Variants in ATP6V1H observed in about 807,000 individuals in gnomAD.
The protein encoded by ATP6V1H is ATPase H+ transporting V1 subunit H, also known as V-type proton ATPase subunit H.
In ATP6V1H, 39 loss-of-function variants were observed where a neutral mutation model predicts 71.7. The ratio of observed to expected loss-of-function variants is 0.54; its 90% CI spans 0.42 to 0.71. The LOEUF (loss-of-function observed/expected upper bound fraction) is 0.71. Ranked by LOEUF, ATP6V1H falls within the 30% of genes least tolerant of loss-of-function variation. The pLI is 0.00. For synonymous variants in ATP6V1H, 192 were observed against 199.3 expected, an observed-to-expected ratio of 0.96 and a Z score of 0.31; for missense variants, 509 against 594.9, an observed-to-expected ratio of 0.86 and a Z score of 1.50.
chr8:53,720,472 A>G (rs1464799677), intron 13 of ATP6V1H, among the ~76,000 whole-genome samples: 1 of 152,232 alleles, frequency 6.6e-6, no homozygotes, highest in Non-Finnish European at 1.5e-5. Flanking sequence ...TCTAGCTTCT[A>G]TTCTGCTAGG....
intron 12 of ATP6V1H, among the ~76,000 whole-genome samples, chr8:53,750,817 CAA>C (rs985954881): frequency 5.3e-5 from 8 of 151,670 alleles, no homozygotes; most frequent in African/African-American, 1.5e-4. Flanking sequence ...CCCATGATAA[CAA>C]AAAGAGTGTA....
intron 11 of ATP6V1H, among the ~76,000 whole-genome samples, chr8:53,762,930 T>C (rs1808326482): frequency 6.6e-6 from 1 of 152,214 alleles, no homozygotes; most frequent in African/African-American, 2.4e-5. Context: ...TGAAGACCTT[T>C]ACAATGATCC....
chr8:53,775,991 C>T (rs551307197), intron 9 of ATP6V1H, among the ~76,000 whole-genome samples: 4 of 152,208 alleles, frequency 2.6e-5, no homozygotes, highest in Admixed American at 6.5e-5. Context: ...CAGGAACCCA[C>T]GGAGGCGGGG....
At chr8:53,832,042 C>T (rs959882113) in intron 3 of ATP6V1H, 3 of 152,084 alleles carry the variant, frequency 2.0e-5, no homozygotes, top group Middle Eastern at 3.4e-3. Flanking sequence ...AATTACACAA[C>T]GGAACTTTCC....
chr8:53,828,111 T>G (rs557901650), intron 4 of ATP6V1H, among the ~76,000 whole-genome samples: 1 of 152,342 alleles, frequency 6.6e-6, no homozygotes, highest in South Asian at 2.1e-4. Flanking sequence ...TTTCTATTCC[T>G]TTGAGTATCT....
At chr8:53,772,619 C>A (rs944807562) in intron 9 of ATP6V1H, among the ~76,000 whole-genome samples, 1 of 152,104 alleles carries the variant, frequency 6.6e-6, no homozygotes, top group Non-Finnish European at 1.5e-5. Context: ...CCTGTAAGCA[C>A]AAGGGACAAC....
At chr8:53,800,927 T>C (rs985355482) in intron 8 of ATP6V1H, among the ~76,000 whole-genome samples, 2 of 152,192 alleles carry the variant, frequency 1.3e-5, no homozygotes, top group Admixed American at 6.5e-5. Context: ...GAGGATTAAA[T>C]AAACAAGAAT....
chr8:53,820,102 T>C (rs1365079546), intron 4 of ATP6V1H, among the ~76,000 whole-genome samples: 2 of 151,870 alleles, frequency 1.3e-5, no homozygotes, highest in African/African-American at 4.8e-5. Flanking sequence ...CTGAAAAATG[T>C]GTGTAGAAGG....
At chr8:53,760,874 G>C (rs1163134893) in intron 11 of ATP6V1H, among the ~76,000 whole-genome samples, 4 of 152,128 alleles carry the variant, frequency 2.6e-5, no homozygotes, top group Admixed American at 1.3e-4. Flanking sequence ...CACTTTCTCA[G>C]GGCTCCTTAA....
chr8:53,826,574 T>C (rs1810827222), intron 4 of ATP6V1H, among the ~76,000 whole-genome samples: 1 of 152,112 alleles, frequency 6.6e-6, no homozygotes, highest in South Asian at 2.1e-4. Context: ...TAATAAGTGT[T>C]TTATAGAAAT....
chr8:53,799,546 G>C (rs1355540861), intron 8 of ATP6V1H, among the ~76,000 whole-genome samples: 1 of 152,178 alleles, frequency 6.6e-6, no homozygotes, highest in Non-Finnish European at 1.5e-5. Context: ...TTGGCCTTTG[G>C]CTGGCTTCTG....
At chr8:53,747,930 C>A (rs978928491) in intron 12 of ATP6V1H, among the ~76,000 whole-genome samples, 2 of 151,822 alleles carry the variant, frequency 1.3e-5, no homozygotes, top group African/African-American at 4.8e-5. Context: ...CTTTGGGAGG[C>A]CAAGGTGGGT....
intron 13 of ATP6V1H, among the ~76,000 whole-genome samples, chr8:53,718,324 C>T (rs1030620767): frequency 6.6e-6 from 1 of 152,050 alleles, no homozygotes; most frequent in African/African-American, 2.4e-5. Flanking sequence ...TACCATCTTC[C>T]ATTCATTTTT....
chr8:53,841,787 A>G (rs1811351173), intron 1 of ATP6V1H, 62 bp from the exon 2 acceptor site: 8 of 1,435,774 alleles, frequency 5.6e-6, no homozygotes, highest in Admixed American at 4.6e-5. Flanking sequence ...ACAACTATTA[A>G]TATTATGATT....
intron 1 of ATP6V1H, among the ~76,000 whole-genome samples, chr8:53,842,054 T>G (rs2130553652): frequency 6.6e-6 from 1 of 152,322 alleles, no homozygotes; most frequent in African/African-American, 2.4e-5. Flanking sequence ...AAATTGTAAA[T>G]TTATACAATT....
intron 9 of ATP6V1H, among the ~76,000 whole-genome samples, chr8:53,775,438 T>C (rs994468267): frequency 5.9e-5 from 9 of 152,202 alleles, no homozygotes; most frequent in Non-Finnish European, 8.8e-5. Context: ...TGCTGATTGG[T>C]AGAGCCGAGT....
At position 53,787,062 on chromosome 8, in the gene ATP6V1H, C is replaced by T. The variant is rs141430897; in HGVS notation, c.870+8585G>A. On this transcript the variant is annotated intron_variant, in intron 9 of 13. Transcript: ENST00000359530. ...AAATCATTATTCTGTCAAATTCCTACAAGTTTCTAAATGCTGACTTTCACT... is the reference window on the plus strand; with the variant it reads ...AAATCATTATTCTGTCAAATTCCTATAAGTTTCTAAATGCTGACTTTCACT... Among the ~76,000 whole-genome samples the T allele has an allele frequency of 2.2e-3, 340 of 152,310 alleles. 2 individuals are homozygous for T. The highest frequency in any genetic ancestry group is 7.9e-3 in the African/African-American group (328 of 41,578).
intron 2 of ATP6V1H, among the ~76,000 whole-genome samples, chr8:53,837,376 A>G (rs1811190766): frequency 1.3e-5 from 2 of 152,176 alleles, no homozygotes; most frequent in South Asian, 4.1e-4. Context: ...ATCAATAAAT[A>G]GGGACCCCTC....
At chr8:53,771,752 G>A (rs181245898) in intron 10 of ATP6V1H, among the ~76,000 whole-genome samples, 9 of 152,218 alleles carry the variant, frequency 5.9e-5, no homozygotes, top group South Asian at 2.1e-4. Context: ...GAGTAAAGCC[G>A]GTCAGAGTTT....
Sources: gnomAD v4.1 joint callset for allele counts (sites outside exome capture counted in the v4.1 genomes callset) on GRCh38, gnomAD v4.1.1 for gene constraint, MANE v1.5 for transcripts, NCBI Gene and HGNC (gene_info 2026-07-23, HGNC 2026-07-21) for gene names.